Variants in DDX60L observed in about 807,000 individuals in gnomAD.
The protein encoded by DDX60L is DExD/H-box 60 like, also known as probable ATP-dependent RNA helicase DDX60-like.
In DDX60L, 191 loss-of-function variants were observed where a neutral mutation model predicts 211.6. The ratio of observed to expected loss-of-function variants is 0.90; its 90% confidence interval spans 0.80 to 1.02. The LOEUF is 1.02. Among genes scored for constraint, DDX60L ranks in the 50% least tolerant of loss-of-function variants. DDX60L has a pLI of 0.00. For synonymous variants in DDX60L, 706 were observed against 694.1 expected, an observed-to-expected ratio of 1.02 and a Z score of -0.27; for missense variants, 2,007 against 1,984.1, an observed-to-expected ratio of 1.01 and a Z score of -0.22.
chr4:168,430,711 A>AT, intron 12 of DDX60L, 73 bp from the exon 13 acceptor site: 5 of 1,143,658 alleles, frequency 4.4e-6, no homozygotes, highest in Non-Finnish European at 5.9e-6. Context: ...CCCACACATT[A>AT]TTTTTTTAAC....
intron 27 of DDX60L, among the ~76,000 whole-genome samples, chr4:168,394,839 A>AGATGCTATT (rs1299734099): frequency 1.3e-5 from 2 of 152,224 alleles, no homozygotes; most frequent in African/African-American, 4.8e-5. Context: ...CCAAAGGGGA[A>AGATGCTATT]GATGCTATTG....
At chr4:168,422,995 G>GTT (rs1750895054) in intron 15 of DDX60L, among the ~76,000 whole-genome samples, 1 of 151,048 alleles carries the variant, frequency 6.6e-6, no homozygotes. Flanking sequence ...GTGTGTGTGT[G>GTT]TGTGTTGTAG....
At chr4:168,379,298 G>A (rs1742508305) in intron 32 of DDX60L, 65 bp downstream of exon 32, 4 of 1,304,076 alleles carry the variant, frequency 3.1e-6, no homozygotes, top group Non-Finnish European at 4.1e-6. Flanking sequence ...AAACATATCT[G>A]CGGTTTTGGC....
Position 168,361,167 on chromosome 4 carries a change from A to G in DDX60L, c.4973T>C (p.Phe1658Ser). The G allele has an allele frequency of 6.2e-7, 1 of 1,608,718 alleles. No homozygotes were observed. The change falls in exon 37 of 38, where the codon TTC (phenylalanine) becomes TCC (serine). Residue 1658 changes from phenylalanine (F) to serine (S), a missense_variant. Transcript: ENST00000682922. ...QLLKCLKDFA[F>S]NIQAISDSLS... ...AACATACCTGATAGCCTGAATGTTG[A>G]ATGCAAAATCTTTCAAACACTTTAA...
chr4:168,401,083 C>T, intron 25 of DDX60L, 105 bp from the exon 26 acceptor site: 1 of 1,053,622 alleles, frequency 9.5e-7, no homozygotes, highest in South Asian at 1.7e-5. Context: ...TAGACTTCAT[C>T]CTAGGCCAGG....
At chr4:168,365,797 T>G (rs1011012294) in intron 36 of DDX60L, among the ~76,000 whole-genome samples, 1 of 151,990 alleles carries the variant, frequency 6.6e-6, no homozygotes, top group Non-Finnish European at 1.5e-5. Context: ...GCAAACCAAA[T>G]TCAAAAGCAC....
At chr4:168,378,995 T>A (rs1376540051) in intron 32 of DDX60L, among the ~76,000 whole-genome samples, 1 of 152,152 alleles carries the variant, frequency 6.6e-6, no homozygotes, top group Non-Finnish European at 1.5e-5. Flanking sequence ...CCACTCCCCA[T>A]AACGCATGAG....
At chr4:168,368,458 A>C (rs943092925) in intron 36 of DDX60L, among the ~76,000 whole-genome samples, 1 of 152,240 alleles carries the variant, frequency 6.6e-6, no homozygotes, top group Admixed American at 6.5e-5. Flanking sequence ...CCCAGGCAGA[A>C]GTTTGCTGCA....
intron 35 of DDX60L, among the ~76,000 whole-genome samples, chr4:168,372,581 G>T (rs1371048544): frequency 6.6e-6 from 1 of 151,982 alleles, no homozygotes; most frequent in East Asian, 1.9e-4. Flanking sequence ...TAAAAAATTA[G>T]CTGGGCATGC....
At chr4:168,386,065 C>A (rs866793064) in intron 29 of DDX60L, among the ~76,000 whole-genome samples, 12 of 152,032 alleles carry the variant, frequency 7.9e-5, no homozygotes, top group Non-Finnish European at 1.6e-4. Context: ...AGGGAAAGTT[C>A]TCAGCCTTGT....
At chr4:168,381,261 G>A (rs1742898395) in intron 30 of DDX60L, among the ~76,000 whole-genome samples, 1 of 152,112 alleles carries the variant, frequency 6.6e-6, no homozygotes. Flanking sequence ...TGATAGTCAA[G>A]ACAATTGGAA....
intron 15 of DDX60L, among the ~76,000 whole-genome samples, chr4:168,423,294 G>A (rs756396401): frequency 3.6e-4 from 55 of 151,980 alleles, no homozygotes; most frequent in Middle Eastern, 3.2e-3. Context: ...ACAGTTTTTA[G>A]ATTGCACTAG....
chr4:168,466,742 A>G (rs551102020), intron 4 of DDX60L, among the ~76,000 whole-genome samples: 1 of 152,304 alleles, frequency 6.6e-6, no homozygotes, highest in Admixed American at 6.5e-5. Context: ...TCTGCAGTTT[A>G]TGTTTAAAAA....
At chr4:168,377,023 G>A (rs1204060320) in intron 33 of DDX60L, among the ~76,000 whole-genome samples, 2 of 152,198 alleles carry the variant, frequency 1.3e-5, no homozygotes, top group Non-Finnish European at 2.9e-5. Flanking sequence ...GGGCATGGTG[G>A]CTCATGCCTG....
At chr4:168,455,036 A>G (rs994297077) in intron 7 of DDX60L, among the ~76,000 whole-genome samples, 1 of 151,746 alleles carries the variant, frequency 6.6e-6, no homozygotes, top group African/African-American at 2.4e-5. Context: ...CTCCAAATAT[A>G]TTTATTTTTG....
intron 9 of DDX60L, among the ~76,000 whole-genome samples, chr4:168,447,175 A>C (rs1754946074): frequency 1.4e-5 from 2 of 147,982 alleles, no homozygotes; most frequent in Non-Finnish European, 3.0e-5. Flanking sequence ...GAACTCAAAC[A>C]AATTTACAAG....
At chr4:168,467,397 G>A (rs898406052) in intron 4 of DDX60L, among the ~76,000 whole-genome samples, 2 of 144,684 alleles carry the variant, frequency 1.4e-5, no homozygotes, top group African/African-American at 5.1e-5. Flanking sequence ...GGGAGACAGA[G>A]TGAGACCCTG....
At chr4:168,379,874 T>C in intron 30 of DDX60L, 44 bp from the exon 31 acceptor site, 3 of 1,401,476 alleles carry the variant, frequency 2.1e-6, no homozygotes, top group Non-Finnish European at 2.0e-6. Flanking sequence ...TTAAACAGTA[T>C]TTGTAAATAC....
chr4:168,358,157 T>C lies in DDX60L; in HGVS notation c.5111A>G (p.His1704Arg), dbSNP rs1388478917. ...AAGTTTTCCATGGTGTTATTCTAAA[T>C]GATTTTGACTCATTTGAATTTGCAT... ...QEMQIQMSQNHLE is the reference protein window; with the variant it reads ...QEMQIQMSQNRLE The change falls in exon 38 of 38, where the codon CAT (histidine) becomes CGT (arginine). Residue 1704 changes from histidine (H) to arginine (R), a missense_variant. By Grantham distance (29) the His-to-Arg change is conservative. Transcript: ENST00000682922. 1.9e-6 allele frequency: 3 copies of C among 1,608,960 alleles called. No homozygotes were observed. The highest frequency in any genetic ancestry group is 2.2e-5 in the East Asian group (1 of 44,662).
Sources: gnomAD v4.1 joint callset for allele counts (sites outside exome capture counted in the v4.1 genomes callset) on GRCh38, gnomAD v4.1.1 for gene constraint, MANE v1.5 for transcripts, NCBI Gene and HGNC (gene_info 2026-07-23, HGNC 2026-07-21) for gene names.